Variants in SH3PXD2A observed in about 807,000 individuals in gnomAD.
The protein encoded by SH3PXD2A is SH3 and PX domains 2A.
In SH3PXD2A, 32 loss-of-function variants were observed where a neutral mutation model predicts 115.2. That is an observed-to-expected ratio of 0.28 (90% CI 0.21 to 0.37). The LOEUF is 0.37. SH3PXD2A is among the 10% of genes least tolerant of loss of function. SH3PXD2A has a pLI of 1.00. For synonymous variants in SH3PXD2A, 610 were observed against 629.1 expected (o/e 0.97, Z 0.45); for missense variants, 1,328 against 1,498.7 (o/e 0.89, Z 1.88).
intron 1 of SH3PXD2A, among the ~76,000 whole-genome samples, chr10:103,806,151 C>T (rs1186801379): frequency 1.3e-5 from 2 of 152,148 alleles, no homozygotes; most frequent in South Asian, 4.1e-4. Context: ...GATGGGGAAG[C>T]GAGCCCCCAT....
intron 8 of SH3PXD2A, among the ~76,000 whole-genome samples, chr10:103,660,728 G>A (rs971461158): frequency 6.6e-6 from 1 of 152,200 alleles, no homozygotes; most frequent in African/African-American, 2.4e-5. Flanking sequence ...ATTTATTCCC[G>A]CGCTGTGCCT....
At chr10:103,643,727 GC>G (rs547864164) in intron 8 of SH3PXD2A, among the ~76,000 whole-genome samples, 112 of 152,294 alleles carry the variant, frequency 7.4e-4, no homozygotes, top group Non-Finnish European at 1.4e-3. Context: ...GAGATTCAAT[GC>G]CACTCAATGC....
intron 3 of SH3PXD2A, among the ~76,000 whole-genome samples, chr10:103,741,162 T>G (rs954056019): frequency 6.6e-6 from 1 of 151,956 alleles, no homozygotes; most frequent in African/African-American, 2.4e-5. Flanking sequence ...AAAGCAGCTG[T>G]GCAAAGCTCT....
At chr10:103,798,484 G>A (rs1196542934) in intron 2 of SH3PXD2A, among the ~76,000 whole-genome samples, 1 of 152,128 alleles carries the variant, frequency 6.6e-6, no homozygotes, top group East Asian at 1.9e-4. Context: ...GTTCTTCACT[G>A]GGGGTCCACA....
intron 3 of SH3PXD2A, among the ~76,000 whole-genome samples, chr10:103,752,291 C>G (rs1312500662): frequency 2.6e-5 from 4 of 152,212 alleles, no homozygotes. Flanking sequence ...TCCTGTTCTC[C>G]TAAAATGTTT....
At chr10:103,682,277 C>T (rs967631397) in intron 6 of SH3PXD2A, among the ~76,000 whole-genome samples, 2 of 152,236 alleles carry the variant, frequency 1.3e-5, no homozygotes, top group Non-Finnish European at 2.9e-5. Flanking sequence ...CACCTCGAGC[C>T]AGGGAGCGTG....
intron 10 of SH3PXD2A, among the ~76,000 whole-genome samples, chr10:103,618,255 TCTC>T (rs1007928056): frequency 6.6e-6 from 1 of 152,144 alleles, no homozygotes; most frequent in Non-Finnish European, 1.5e-5. Flanking sequence ...TTTCAGCCTC[TCTC>T]CTGGCAGGAG....
intron 2 of SH3PXD2A, among the ~76,000 whole-genome samples, 182 bp downstream of exon 2, chr10:103,801,100 T>C (rs2039142466): frequency 6.6e-6 from 1 of 152,182 alleles, no homozygotes; most frequent in South Asian, 2.1e-4. Context: ...AGTGTCTGCC[T>C]GCAGTATGCA....
At chr10:103,631,419 T>C (rs2036778062) in intron 8 of SH3PXD2A, among the ~76,000 whole-genome samples, 1 of 152,218 alleles carries the variant, frequency 6.6e-6, no homozygotes, top group Non-Finnish European at 1.5e-5. Context: ...ACTGTAATAT[T>C]TTCGGACCAC....
intron 8 of SH3PXD2A, among the ~76,000 whole-genome samples, chr10:103,636,266 G>A (rs181780752): frequency 6.8e-4 from 103 of 152,198 alleles, no homozygotes; most frequent in Admixed American, 2.0e-3. Flanking sequence ...AAAATTAGCC[G>A]GGCGTGGTGG....
intron 7 of SH3PXD2A, among the ~76,000 whole-genome samples, chr10:103,663,741 A>G (rs1303156421): frequency 6.6e-6 from 1 of 152,250 alleles, no homozygotes. Flanking sequence ...CAATGGCCAC[A>G]GAACTCTAGG....
intron 6 of SH3PXD2A, among the ~76,000 whole-genome samples, chr10:103,670,298 C>T (rs2037439110): frequency 6.6e-6 from 1 of 152,184 alleles, no homozygotes; most frequent in South Asian, 2.1e-4. Context: ...GACTTACCCT[C>T]TCTGAGCCTG....
Position 103,840,183 on chromosome 10 carries a change from G to A in SH3PXD2A, c.72+15012C>T, listed in dbSNP as rs1025431535. Among the ~76,000 whole-genome samples, 390 of 152,340 alleles carry A rather than the reference G, an allele frequency of 2.6e-3. 2 individuals are homozygous for A. The highest frequency in any genetic ancestry group is 8.7e-3 in the African/African-American group (361 of 41,584). ...CCAACAATAAACTGAACAGGGCAGG[G>A]CGGGGAGGTTGCCCCGCTTCCAGCT... On this transcript the variant is annotated intron_variant, in intron 1 of 14. Coordinates refer to ENST00000369774, the MANE Select transcript of SH3PXD2A (RefSeq NM_001394015.1).
intron 5 of SH3PXD2A, among the ~76,000 whole-genome samples, chr10:103,706,298 T>C (rs1021409327): frequency 6.6e-5 from 10 of 152,210 alleles, no homozygotes; most frequent in Non-Finnish European, 1.2e-4. Context: ...AGTGGGTCAG[T>C]GGCTGGACTG....
At chr10:103,739,096 C>T (rs2038414582) in intron 3 of SH3PXD2A, among the ~76,000 whole-genome samples, 2 of 152,218 alleles carry the variant, frequency 1.3e-5, no homozygotes, top group South Asian at 4.1e-4. Flanking sequence ...TTAAGGAGCA[C>T]TGAGGCCTCC....
intron 5 of SH3PXD2A, among the ~76,000 whole-genome samples, chr10:103,699,998 G>T (rs1018984323): frequency 6.6e-6 from 1 of 152,156 alleles, no homozygotes; most frequent in Non-Finnish European, 1.5e-5. Flanking sequence ...CCAGAACCCC[G>T]CCCCCCAGGC....
chr10:103,852,742 A>G (rs1842907988), intron 1 of SH3PXD2A, among the ~76,000 whole-genome samples: 1 of 152,062 alleles, frequency 6.6e-6, no homozygotes, highest in Non-Finnish European at 1.5e-5. Context: ...GGCCCTTTCT[A>G]TTGCTTTCTT....
At chr10:103,760,746 T>C (rs896061878) in intron 3 of SH3PXD2A, among the ~76,000 whole-genome samples, 2 of 152,118 alleles carry the variant, frequency 1.3e-5, no homozygotes, top group African/African-American at 4.8e-5. Flanking sequence ...GTTTTAGAGA[T>C]AGAGTCTTGC....
intron 8 of SH3PXD2A, among the ~76,000 whole-genome samples, chr10:103,648,838 G>A (rs1479915120): frequency 2.0e-5 from 3 of 152,158 alleles, no homozygotes; most frequent in Non-Finnish European, 2.9e-5. Flanking sequence ...GCCCCCTCGC[G>A]TGCGTGTGCA....
Sources: gnomAD v4.1 joint callset for allele counts (sites outside exome capture counted in the v4.1 genomes callset) on GRCh38, gnomAD v4.1.1 for gene constraint, MANE v1.5 for transcripts, NCBI Gene and HGNC (gene_info 2026-07-23, HGNC 2026-07-21) for gene names.